The following OPCML variants were observed in gnomAD, a reference collection of about 807,000 sequenced individuals.
OPCML encodes opioid-binding protein/cell adhesion molecule.
OPCML carries 13 observed loss-of-function variants against 37.8 expected under a neutral mutation model. That is an observed-to-expected ratio of 0.34 (90% CI 0.22 to 0.55). The LOEUF is 0.55. Ranked by LOEUF, OPCML falls within the 20% of genes least tolerant of loss-of-function variation. The probability of loss-of-function intolerance (pLI) is 0.91; values close to 1 mark genes in which losing one functional copy is unlikely to be tolerated. For synonymous variants in OPCML, 176 were observed against 168.8 expected, an observed-to-expected ratio of 1.04 and a Z score of -0.33; for missense variants, 341 against 435.6, an observed-to-expected ratio of 0.78 and a Z score of 1.93.
intron 3 of OPCML, among the ~76,000 whole-genome samples, chr11:132,655,808 G>A (rs1291027749): frequency 6.6e-6 from 1 of 151,502 alleles, no homozygotes; most frequent in Non-Finnish European, 1.5e-5. Flanking sequence ...TGAATAGACA[G>A]CCCCCACGCA....
rs1056124701 is a variant in OPCML, at chr11:132,733,039, T to C, written c.147-75720A>G. Among the ~76,000 whole-genome samples the C allele has an allele frequency of 2.6e-5, 4 of 152,308 alleles. No individual in the cohort carries two copies. In the East Asian group the frequency reaches 5.8e-4, roughly 22 times the overall value. On this transcript the variant is annotated intron_variant, in intron 2 of 7. Transcript: ENST00000524381. ...AGGTGGTGAGTGAAGGCTTTTTATT[T>C]GTTATAAATTTTCATTTCTTTTCAC...
intron 1 of OPCML, among the ~76,000 whole-genome samples, chr11:132,948,120 T>C (rs1210835437): frequency 6.6e-6 from 1 of 152,238 alleles, no homozygotes; most frequent in Non-Finnish European, 1.5e-5. Flanking sequence ...GTTTGAGGTT[T>C]CTTGAAATGT....
chr11:132,911,500 C>T (rs946464721), intron 2 of OPCML, among the ~76,000 whole-genome samples: 8 of 152,208 alleles, frequency 5.3e-5, no homozygotes, highest in Admixed American at 1.3e-4. Context: ...CTGATTGTCT[C>T]GGGAACTCTC....
chr11:133,280,895 G>C (rs1346857002), intron 1 of OPCML, among the ~76,000 whole-genome samples: 1 of 152,144 alleles, frequency 6.6e-6, no homozygotes, highest in African/African-American at 2.4e-5. Context: ...TTTATCAAGA[G>C]CAATGAGAGA....
intron 1 of OPCML, among the ~76,000 whole-genome samples, chr11:133,261,552 T>G (rs1326882607): frequency 6.6e-6 from 1 of 152,218 alleles, no homozygotes; most frequent in Admixed American, 6.5e-5. Flanking sequence ...GCACATGGTC[T>G]GCATCCGTCT....
chr11:133,109,803 G>A (rs1335351357), intron 1 of OPCML, among the ~76,000 whole-genome samples: 1 of 152,176 alleles, frequency 6.6e-6, no homozygotes, highest in African/African-American at 2.4e-5. Flanking sequence ...AGAAAGGGAG[G>A]TGAGTCATTG....
chr11:132,597,024 T>C (rs1284289874), intron 3 of OPCML, among the ~76,000 whole-genome samples: 1 of 152,196 alleles, frequency 6.6e-6, no homozygotes, highest in Non-Finnish European at 1.5e-5. Context: ...ATAGAATCTA[T>C]GTAGACAGCA....
chr11:132,792,930 C>G (rs1411315376), intron 2 of OPCML, among the ~76,000 whole-genome samples: 1 of 152,206 alleles, frequency 6.6e-6, no homozygotes, highest in Non-Finnish European at 1.5e-5. Flanking sequence ...ATGACGGAGC[C>G]CAGTGCTCCT....
At position 132,648,570 on chromosome 11, in the gene OPCML, A is replaced by AGT. The variant is rs1453956635; in HGVS notation, c.379+8515_379+8516dup. ...AGTCTTGCTCTGTCACCCAGGCTGG[A>AGT]GTGCAGGGGTGTGATCTTGGCTCAC... On this transcript the variant is annotated intron_variant, in intron 3 of 7. Transcript: ENST00000524381. Among the ~76,000 whole-genome samples, 3 of 142,826 alleles carry AGT rather than the reference A, an allele frequency of 2.1e-5. No individual in the cohort carries two copies. In the Admixed American group the frequency reaches 2.2e-4, roughly 10 times the overall value. The allele number at this position is 142,826 out of a possible 152,430, so 93.7% of individuals were successfully genotyped here.
chr11:133,391,735 A>G (rs1051739696), intron 1 of OPCML, among the ~76,000 whole-genome samples: 3 of 152,228 alleles, frequency 2.0e-5, no homozygotes, highest in Non-Finnish European at 2.9e-5. Context: ...AAAAATTACA[A>G]TAACAGCAAG....
chr11:133,128,231 C>T (rs183924406), intron 1 of OPCML, among the ~76,000 whole-genome samples: 9 of 152,202 alleles, frequency 5.9e-5, no homozygotes, highest in South Asian at 2.1e-4. Flanking sequence ...TTGGCAGCCC[C>T]GTCCCCTCAT....
At chr11:132,942,002 C>G (rs192982314) in intron 2 of OPCML, among the ~76,000 whole-genome samples, 125 of 152,288 alleles carry the variant, frequency 8.2e-4, no homozygotes, top group African/African-American at 2.7e-3. Flanking sequence ...CCATAACCAT[C>G]AAAGTCATAG....
At chr11:133,293,839 T>C (rs1159200190) in intron 1 of OPCML, among the ~76,000 whole-genome samples, 3 of 149,474 alleles carry the variant, frequency 2.0e-5, no homozygotes, top group Non-Finnish European at 4.4e-5. Context: ...GGTTGAAGAG[T>C]CTGCTCTCTT....
chr11:133,228,555 G>T (rs1330904870), intron 1 of OPCML, among the ~76,000 whole-genome samples: 1 of 152,234 alleles, frequency 6.6e-6, no homozygotes, highest in East Asian at 1.9e-4. Context: ...GCTCAACAGC[G>T]CCAAAGCGTG....
At chr11:132,718,022 G>A (rs1482270718) in intron 2 of OPCML, among the ~76,000 whole-genome samples, 2 of 152,274 alleles carry the variant, frequency 1.3e-5, no homozygotes, top group South Asian at 2.1e-4. Context: ...CCACACCATC[G>A]TCAAGGTGCA....
intron 1 of OPCML, among the ~76,000 whole-genome samples, chr11:133,201,735 T>C (rs1045512026): frequency 1.3e-4 from 20 of 152,298 alleles, no homozygotes; most frequent in African/African-American, 4.1e-4. Context: ...TGGAGGACTT[T>C]GTTCTCATGC....
Position 132,694,955 on chromosome 11 carries a change from T to G in OPCML, c.147-37636A>C, listed in dbSNP as rs184704084. Among the ~76,000 whole-genome samples the G allele has an allele frequency of 3.2e-3, 490 of 152,282 alleles. 4 individuals carry two copies. Among genetic ancestry groups the G allele is most frequent in the South Asian group, 0.021 (103 of 4,824 alleles). On this transcript the variant is annotated intron_variant, in intron 2 of 7. Transcript: ENST00000524381. ...AAAGGAAAGATGATACCTGCGACAT[T>G]AATGGCATAAAAAATTATTGCCTAG...
intron 1 of OPCML, among the ~76,000 whole-genome samples, chr11:132,995,168 GCC>G: frequency 6.6e-6 from 1 of 152,300 alleles, no homozygotes. Flanking sequence ...AGAGAGCTTT[GCC>G]AAGAAGACTA....
chr11:133,204,909 T>TACAC (rs1555114265), intron 1 of OPCML, among the ~76,000 whole-genome samples: 30 of 130,688 alleles, frequency 2.3e-4, no homozygotes, highest in Non-Finnish European at 3.1e-4. Context: ...TATATATATA[T>TACAC]ACATACACAT....
Sources: allele counts gnomAD v4.1 joint callset (sites outside exome capture counted in the v4.1 genomes callset), GRCh38; gene constraint gnomAD v4.1.1; transcripts MANE v1.5; gene names NCBI Gene and HGNC (gene_info 2026-07-23, HGNC 2026-07-21).